Variants in TRAPPC9 observed in about 807,000 individuals in gnomAD.
TRAPPC9 encodes the protein IKK2 binding protein.
In TRAPPC9, 83 loss-of-function variants were observed where a neutral mutation model predicts 124.0. That is an observed-to-expected ratio of 0.67 (90% CI 0.56 to 0.80). The LOEUF (loss-of-function observed/expected upper bound fraction) is 0.80. Ranked by LOEUF, TRAPPC9 falls within the 30% of genes least tolerant of loss-of-function variation. The pLI, the probability that TRAPPC9 is intolerant of heterozygous loss-of-function variation, is 0.00. For missense variants in TRAPPC9, 1,302 were observed against 1,508.3 expected, an observed-to-expected ratio of 0.86 and a Z score of 2.27; for synonymous variants, 638 against 617.5, an observed-to-expected ratio of 1.03 and a Z score of -0.49.
At chr8:139,993,637 A>C (rs753035260) in intron 18 of TRAPPC9, among the ~76,000 whole-genome samples, 9 of 152,256 alleles carry the variant, frequency 5.9e-5, no homozygotes, top group Non-Finnish European at 1.2e-4. Context: ...AACTAAGTGC[A>C]CATCAACTGG....
intron 7 of TRAPPC9, among the ~76,000 whole-genome samples, chr8:140,385,121 T>C (rs1300632099): frequency 6.6e-6 from 1 of 152,130 alleles, no homozygotes; most frequent in Non-Finnish European, 1.5e-5. Flanking sequence ...TTGAAACCAA[T>C]GAGAACAAAG....
At chr8:140,219,067 C>A (rs371692544) in intron 17 of TRAPPC9, among the ~76,000 whole-genome samples, 14 of 152,268 alleles carry the variant, frequency 9.2e-5, no homozygotes, top group African/African-American at 2.9e-4. Context: ...GATAAAACAG[C>A]AGACCCGCCA....
chr8:139,764,553 T>C (rs1427548291), intron 21 of TRAPPC9, among the ~76,000 whole-genome samples: 1 of 152,120 alleles, frequency 6.6e-6, no homozygotes, highest in Non-Finnish European at 1.5e-5. Context: ...CAGCACTGAG[T>C]GAGACACGGG....
At chr8:139,731,635 G>T (rs1272792957) in intron 22 of TRAPPC9, among the ~76,000 whole-genome samples, 1 of 152,236 alleles carries the variant, frequency 6.6e-6, no homozygotes, top group East Asian at 1.9e-4. Flanking sequence ...TCCGTGGAAG[G>T]AGCGGCAGGC....
chr8:140,030,607 G>T (rs566225362), intron 17 of TRAPPC9, among the ~76,000 whole-genome samples: 1 of 152,182 alleles, frequency 6.6e-6, no homozygotes, highest in African/African-American at 2.4e-5. Flanking sequence ...CAACCTCCAT[G>T]TCCAACAAGA....
chr8:140,320,604 A>G (rs1048229883), intron 9 of TRAPPC9, among the ~76,000 whole-genome samples: 2 of 152,240 alleles, frequency 1.3e-5, no homozygotes, highest in African/African-American at 4.8e-5. Flanking sequence ...TATCGGGACC[A>G]ACAGCAATCA....
At chr8:139,841,362 T>C (rs903837614) in intron 21 of TRAPPC9, among the ~76,000 whole-genome samples, 1 of 152,256 alleles carries the variant, frequency 6.6e-6, no homozygotes, top group African/African-American at 2.4e-5. Flanking sequence ...TGTGGACATC[T>C]TGGGGGCTCT....
At chr8:140,405,498 A>G in intron 6 of TRAPPC9, 79 bp downstream of exon 6, 6 of 1,449,698 alleles carry the variant, frequency 4.1e-6, no homozygotes, top group Non-Finnish European at 5.8e-6. Context: ...GAGACACTGC[A>G]GCATTACACA....
intron 17 of TRAPPC9, among the ~76,000 whole-genome samples, chr8:140,220,148 G>A (rs1278173156): frequency 6.6e-6 from 1 of 152,210 alleles, no homozygotes; most frequent in South Asian, 2.1e-4. Flanking sequence ...AAAACTGATG[G>A]ACAAACAAGA....
At chr8:140,307,941 G>T (rs957965695) in intron 10 of TRAPPC9, among the ~76,000 whole-genome samples, 1 of 152,086 alleles carries the variant, frequency 6.6e-6, no homozygotes, top group Non-Finnish European at 1.5e-5. Flanking sequence ...TCTTCCTATT[G>T]ACTATCTACT....
intron 21 of TRAPPC9, among the ~76,000 whole-genome samples, chr8:139,842,049 A>G (rs929638557): frequency 6.6e-6 from 1 of 152,212 alleles, no homozygotes; most frequent in Non-Finnish European, 1.5e-5. Context: ...GGGCTTTGAA[A>G]TGAGGAAAGA....
intron 21 of TRAPPC9, among the ~76,000 whole-genome samples, chr8:139,859,351 G>T (rs909186375): frequency 6.6e-6 from 1 of 152,024 alleles, no homozygotes; most frequent in Admixed American, 6.6e-5. Context: ...AATCACTACC[G>T]CTCACTGTCC....
intron 17 of TRAPPC9, among the ~76,000 whole-genome samples, chr8:140,179,198 G>GTGTAAGCA (rs1485967399): frequency 1.3e-5 from 2 of 152,074 alleles, no homozygotes; most frequent in South Asian, 2.1e-4. Context: ...TCCTTTCCCA[G>GTGTAAGCA]TGTAAGCATC....
intron 19 of TRAPPC9, among the ~76,000 whole-genome samples, chr8:139,940,741 C>T (rs903041044): frequency 3.3e-5 from 5 of 152,246 alleles, no homozygotes; most frequent in Non-Finnish European, 5.9e-5. Context: ...GCCAACGTCC[C>T]TCTTCCTCCT....
At chr8:139,863,542 G>A (rs1024110954) in intron 21 of TRAPPC9, among the ~76,000 whole-genome samples, 13 of 152,218 alleles carry the variant, frequency 8.5e-5, no homozygotes, top group Admixed American at 2.6e-4. Flanking sequence ...CTCGGGACCC[G>A]GGACTTGCGG....
chr8:140,328,945 C>G (rs1299802785), intron 9 of TRAPPC9, among the ~76,000 whole-genome samples: 1 of 152,030 alleles, frequency 6.6e-6, no homozygotes, highest in African/African-American at 2.4e-5. Context: ...GACAGAAGCC[C>G]AAGGTCAGAG....
intron 17 of TRAPPC9, among the ~76,000 whole-genome samples, chr8:140,177,315 T>C (rs1014119475): frequency 6.6e-6 from 1 of 152,194 alleles, no homozygotes; most frequent in Non-Finnish European, 1.5e-5. Flanking sequence ...CTAATTTTTA[T>C]ATACATGTGG....
intron 19 of TRAPPC9, among the ~76,000 whole-genome samples, chr8:139,963,749 CAA>C (rs58224556): frequency 9.3e-6 from 1 of 107,352 alleles, no homozygotes; most frequent in African/African-American, 4.0e-5. Context: ...CCAGTTCTAC[CAA>C]AAAAAAAAAA....
chr8:140,295,479 G>A (rs2065780247), intron 11 of TRAPPC9, among the ~76,000 whole-genome samples: 1 of 152,182 alleles, frequency 6.6e-6, no homozygotes, highest in African/African-American at 2.4e-5. Context: ...CTCTGGGGCA[G>A]CAGTCGACCT....
Sources: allele counts gnomAD v4.1 joint callset (sites outside exome capture counted in the v4.1 genomes callset), GRCh38; gene constraint gnomAD v4.1.1; transcripts MANE v1.5; gene names NCBI Gene and HGNC (gene_info 2026-07-23, HGNC 2026-07-21).